The following ROBO2 variants were observed in gnomAD, a reference collection of about 807,000 sequenced individuals.
ROBO2 encodes roundabout guidance receptor 2.
In ROBO2, 53 loss-of-function variants were observed where a neutral mutation model predicts 160.8. The ratio of observed to expected loss-of-function variants is 0.33; its 90% CI spans 0.26 to 0.41. The LOEUF is 0.41. ROBO2 is among the 10% of genes least tolerant of loss of function. The pLI is 1.00. For missense variants in ROBO2, 1,577 were observed against 1,722.4 expected, an observed-to-expected ratio of 0.92 and a Z score of 1.49; for synonymous variants, 664 against 611.7, an observed-to-expected ratio of 1.09 and a Z score of -1.26.
chr3:76,445,169 C>G (rs548833809), intron 2 of ROBO2, among the ~76,000 whole-genome samples: 2 of 152,064 alleles, frequency 1.3e-5, no homozygotes, highest in African/African-American at 2.4e-5. Flanking sequence ...TTATTTATTA[C>G]ATAGTCCAAG....
chr3:75,911,212 C>T (rs1366737145), intron 1 of ROBO2, among the ~76,000 whole-genome samples: 1 of 152,122 alleles, frequency 6.6e-6, no homozygotes, highest in Non-Finnish European at 1.5e-5. Context: ...TACAGCTTCT[C>T]AGCGATCAAA....
At position 76,127,451 on chromosome 3, in the gene ROBO2, T is replaced by A. The variant is rs145291536; in HGVS notation, c.109+189849T>A. 1.5e-3 allele frequency among the ~76,000 whole-genome samples: 224 copies of A among 152,206 alleles called. 3 individuals carry two copies. In the East Asian group the frequency reaches 0.029, roughly 20 times the overall value. Reference sequence around the variant, plus strand: ...ACTCTAGGATAGAATATAACTATTATCTAACTTATATAATTTTCTAAAATA... The same window carrying A: ...ACTCTAGGATAGAATATAACTATTAACTAACTTATATAATTTTCTAAAATA... On this transcript the variant is annotated intron_variant, in intron 2 of 26. Transcript: ENST00000487694.
intron 2 of ROBO2, among the ~76,000 whole-genome samples, chr3:76,727,062 G>T (rs1187581190): frequency 6.6e-6 from 1 of 152,234 alleles, no homozygotes; most frequent in Admixed American, 6.5e-5. Flanking sequence ...TAATCCTGAA[G>T]TAATATCAAA....
intron 2 of ROBO2, among the ~76,000 whole-genome samples, chr3:76,409,320 G>C (rs2075370186): frequency 6.6e-6 from 1 of 151,920 alleles, no homozygotes; most frequent in Non-Finnish European, 1.5e-5. Flanking sequence ...ACATTTCTTA[G>C]CAGAATATCT....
At chr3:77,331,223 G>A (rs1220992833) in intron 2 of ROBO2, among the ~76,000 whole-genome samples, 1 of 152,126 alleles carries the variant, frequency 6.6e-6, no homozygotes, top group Non-Finnish European at 1.5e-5. Context: ...TACATAAACA[G>A]GACTCAAAAT....
At chr3:77,562,200 G>A (rs1036681214) in intron 9 of ROBO2, among the ~76,000 whole-genome samples, 3 of 152,006 alleles carry the variant, frequency 2.0e-5, no homozygotes, top group Admixed American at 6.6e-5. Context: ...TTATTTACTC[G>A]GGTATGTTTT....
At chr3:76,390,570 G>A (rs1686724268) in intron 2 of ROBO2, among the ~76,000 whole-genome samples, 1 of 152,090 alleles carries the variant, frequency 6.6e-6, no homozygotes, top group Non-Finnish European at 1.5e-5. Flanking sequence ...ATTACTCTGA[G>A]CTGTGTTAGC....
chr3:77,185,806 CAT>C (rs35513605), intron 2 of ROBO2, among the ~76,000 whole-genome samples: 26 of 151,046 alleles, frequency 1.7e-4, no homozygotes, highest in African/African-American at 3.4e-4. Context: ...GTGATACACA[CAT>C]ATATATATAT....
At position 76,707,759 on chromosome 3, in the gene ROBO2, AT is replaced by A. The variant is rs59926778; in HGVS notation, c.110-390254del. On this transcript the variant is annotated intron_variant, in intron 2 of 26. Coordinates refer to the ROBO2 transcript ENST00000487694. Reference sequence around the variant, plus strand: ...TATATATATATATATATATATATATATAAATCTTAAAAGCAAGGCTGAGATT... The same window carrying A: ...TATATATATATATATATATATATATAAAATCTTAAAAGCAAGGCTGAGATT... Among the ~76,000 whole-genome samples, 496 of 135,380 alleles carry A rather than the reference AT, an allele frequency of 3.7e-3. 3 individuals are homozygous for A. Among genetic ancestry groups the A allele is most frequent in the African/African-American group, 0.012 (466 of 37,458 alleles). 88.8% of individuals were successfully genotyped at this position (135,380 alleles called of 152,430 possible).
chr3:76,657,668 GTATATATATACATATATGTGTGTATA>G (rs2091612803), intron 2 of ROBO2, among the ~76,000 whole-genome samples: 1 of 111,418 alleles, frequency 9.0e-6, no homozygotes, highest in Non-Finnish European at 1.8e-5. Context: ...ATATATATGT[GTATATATATACATATATGTGTGTATA>G]TATATTCATA....
At chr3:76,575,201 A>G (rs1277981889) in intron 2 of ROBO2, among the ~76,000 whole-genome samples, 1 of 152,110 alleles carries the variant, frequency 6.6e-6, no homozygotes, top group East Asian at 1.9e-4. Context: ...CATTTTTACA[A>G]TACCTTGATA....
chr3:76,893,264 G>T (rs1434548532), intron 2 of ROBO2, among the ~76,000 whole-genome samples: 1 of 151,230 alleles, frequency 6.6e-6, no homozygotes, highest in Admixed American at 6.6e-5. Flanking sequence ...CAGCAAGAAT[G>T]AGGGATAAAA....
intron 21 of ROBO2, among the ~76,000 whole-genome samples, chr3:77,608,977 T>G (rs1056228643): frequency 7.2e-5 from 11 of 151,916 alleles, no homozygotes; most frequent in Admixed American, 7.2e-4. Context: ...AGTCTTCAGA[T>G]TAATTTTTCT....
At chr3:76,260,303 T>C (rs1157634988) in intron 2 of ROBO2, among the ~76,000 whole-genome samples, 5 of 152,044 alleles carry the variant, frequency 3.3e-5, no homozygotes, top group Non-Finnish European at 7.4e-5. Context: ...GGGCTGATGT[T>C]GTTTAGTATG....
intron 2 of ROBO2, among the ~76,000 whole-genome samples, chr3:76,569,981 A>C (rs1004505960): frequency 6.6e-6 from 1 of 152,036 alleles, no homozygotes; most frequent in Non-Finnish European, 1.5e-5. Flanking sequence ...AAATAATGAT[A>C]ATAATTAGCT....
At chr3:77,531,415 T>C (rs1440895112) in intron 6 of ROBO2, among the ~76,000 whole-genome samples, 1 of 151,666 alleles carries the variant, frequency 6.6e-6, no homozygotes, top group Non-Finnish European at 1.5e-5. Context: ...TTTTTTTTAA[T>C]GTTTCAACTG....
At chr3:76,448,078 A>G (rs953588826) in intron 2 of ROBO2, among the ~76,000 whole-genome samples, 1 of 151,892 alleles carries the variant, frequency 6.6e-6, no homozygotes, top group South Asian at 2.1e-4. Flanking sequence ...AAATAAATAA[A>G]TGAAATAAAA....
intron 1 of ROBO2, among the ~76,000 whole-genome samples, chr3:77,077,528 G>A (rs746784203): frequency 2.6e-5 from 4 of 152,158 alleles, no homozygotes; most frequent in Admixed American, 6.5e-5. Flanking sequence ...CAGTTAAAGT[G>A]GGTGATTGCT....
intron 2 of ROBO2, among the ~76,000 whole-genome samples, chr3:77,341,227 A>G (rs2067021059): frequency 6.6e-6 from 1 of 152,088 alleles, no homozygotes; most frequent in Non-Finnish European, 1.5e-5. Context: ...GAGTACTAGC[A>G]TATAAGAGGT....
Sources: gnomAD v4.1 joint callset for allele counts (sites outside exome capture counted in the v4.1 genomes callset) on GRCh38, gnomAD v4.1.1 for gene constraint, MANE v1.5 for transcripts, NCBI Gene and HGNC (gene_info 2026-07-23, HGNC 2026-07-21) for gene names.